Variants in PCM1 observed in about 807,000 individuals in gnomAD.
PCM1 encodes the protein pericentriolar material 1.
In PCM1, 157 loss-of-function variants were observed where a neutral mutation model predicts 241.9. The observed-to-expected ratio is 0.65, with a 90% CI of 0.57 to 0.74. The LOEUF (loss-of-function observed/expected upper bound fraction) is 0.74. Ranked by LOEUF, PCM1 falls within the 30% of genes least tolerant of loss-of-function variation. PCM1 has a pLI of 0.00. For synonymous variants in PCM1, 1,085 were observed against 784.9 expected, an observed-to-expected ratio of 1.38 and a Z score of -6.39; for missense variants, 3,478 against 2,360.1, an observed-to-expected ratio of 1.47 and a Z score of -9.81.
chr8:17,928,868 A>G (rs982277922), intron 2 of PCM1, among the ~76,000 whole-genome samples: 6 of 151,690 alleles, frequency 4.0e-5, no homozygotes, highest in African/African-American at 1.5e-4. Flanking sequence ...CTGACCTTAG[A>G]TGACTCACCC....
At chr8:18,012,415 T>C (rs1328889143) in intron 34 of PCM1, among the ~76,000 whole-genome samples, 1 of 152,206 alleles carries the variant, frequency 6.6e-6, no homozygotes, top group Non-Finnish European at 1.5e-5. Flanking sequence ...TTATTAGTTA[T>C]TGTTAATCTC....
intron 38 of PCM1, among the ~76,000 whole-genome samples, chr8:18,026,582 ATTTTTAGT>A (rs2094234900): frequency 6.6e-6 from 1 of 151,916 alleles, no homozygotes; most frequent in South Asian, 2.1e-4. Context: ...TTTATTATTG[ATTTTTAGT>A]TCTTTAGGAG....
chr8:17,974,036 G>C (rs912431613), intron 23 of PCM1, among the ~76,000 whole-genome samples: 32 of 152,322 alleles, frequency 2.1e-4, no homozygotes, highest in African/African-American at 7.5e-4. Context: ...TGAACCCCAT[G>C]TGAAGAATCT....
Position 17,937,346 on chromosome 8 carries a change from G to C in PCM1, c.309G>C (p.Leu103=). The change falls in exon 4 of 39, where the codon CTG becomes CTC. Residue 103 remains leucine, a synonymous_variant. Transcript: ENST00000325083. The part of the protein sequence containing the change: ...SVPEQAELEK[L]KQRINFSDLD... ...CAGAGCAGGCAGAATTAGAGAAACTGAAACAGCGGATAAACTTCAGTGATT... is the reference window on the plus strand; with the variant it reads ...CAGAGCAGGCAGAATTAGAGAAACTCAAACAGCGGATAAACTTCAGTGATT... The C allele has an allele frequency of 6.2e-7, 1 of 1,604,236 alleles. No homozygotes were observed. Among genetic ancestry groups the C allele is most frequent in the African/African-American group, 1.3e-5 (1 of 74,786 alleles).
At chr8:17,999,507 T>G (rs996501170) in intron 29 of PCM1, among the ~76,000 whole-genome samples, 2 of 152,032 alleles carry the variant, frequency 1.3e-5, no homozygotes, top group African/African-American at 2.4e-5. Context: ...GGTGCCCTGT[T>G]GTAGCTGTGG....
At chr8:18,018,867 T>TATATATATA (rs1564427344) in intron 36 of PCM1, among the ~76,000 whole-genome samples, 1 of 66,224 alleles carries the variant, frequency 1.5e-5, no homozygotes, top group Non-Finnish European at 3.4e-5. Flanking sequence ...TATATATATA[T>TATATATATA]ATATATATAT....
intron 28 of PCM1, 65 bp from the exon 29 acceptor site, chr8:17,993,418 A>T (rs1262948864): frequency 1.9e-6 from 2 of 1,067,166 alleles, no homozygotes; most frequent in Non-Finnish European, 2.6e-6. Flanking sequence ...AAATTTCAAC[A>T]TAAAGGCATA....
intron 36 of PCM1, among the ~76,000 whole-genome samples, chr8:18,019,082 T>G (rs2093551407): frequency 6.6e-6 from 1 of 152,066 alleles, no homozygotes; most frequent in African/African-American, 2.4e-5. Flanking sequence ...CTCTGCCTTT[T>G]TCAGTATTCC....
chr8:17,970,431 ATT>A (rs11399726), intron 22 of PCM1, among the ~76,000 whole-genome samples: 5 of 142,968 alleles, frequency 3.5e-5, no homozygotes, highest in Admixed American at 1.4e-4. Flanking sequence ...ATTAACTGGG[ATT>A]TTTTTTTTTT....
chr8:17,966,695 A>C (rs1374274773), intron 20 of PCM1, among the ~76,000 whole-genome samples: 1 of 152,212 alleles, frequency 6.6e-6, no homozygotes, highest in African/African-American at 2.4e-5. Flanking sequence ...ATATTTTGGC[A>C]GATTTTATGG....
intron 26 of PCM1, among the ~76,000 whole-genome samples, chr8:17,988,242 T>C (rs2083279391): frequency 6.6e-6 from 1 of 151,858 alleles, no homozygotes; most frequent in Non-Finnish European, 1.5e-5. Flanking sequence ...AATACGTTCC[T>C]TAATGTCTAA....
chr8:17,961,471 C>T (rs570589365), intron 15 of PCM1, among the ~76,000 whole-genome samples: 76 of 152,022 alleles, frequency 5.0e-4, no homozygotes, highest in African/African-American at 1.5e-3. Flanking sequence ...CCACCACGCC[C>T]GGCTAATTTT....
Position 17,960,417 on chromosome 8 carries a change from A to C in PCM1, c.2295A>C (p.Ala765=). The change falls in exon 15 of 39, where the codon GCA becomes GCC. Residue 765 remains alanine, a synonymous_variant. Transcript: ENST00000325083. The stretch of plus-strand genomic sequence containing the variant: ...TTGACATTCAGGAGAAAATTCAAGC[A>C]TTGCAAACGGCATGCCCTGACTTAC... The part of the protein sequence containing the change: ...KLIDIQEKIQ[A]LQTACPDLQL... 6.2e-7 allele frequency: 1 copy of C among 1,604,378 alleles called. No homozygotes were observed. The highest frequency in any genetic ancestry group is 1.7e-4 in the Middle Eastern group (1 of 6,046).
chr8:17,954,527 A>G (rs2067315157), intron 9 of PCM1, among the ~76,000 whole-genome samples: 1 of 152,150 alleles, frequency 6.6e-6, no homozygotes, highest in African/African-American at 2.4e-5. Flanking sequence ...CACTCCGTAT[A>G]CTGATGACTC....
chr8:17,994,147 A>G (rs548535827), intron 29 of PCM1, among the ~76,000 whole-genome samples: 7 of 152,126 alleles, frequency 4.6e-5, no homozygotes, highest in Non-Finnish European at 1.0e-4. Context: ...CATTCTGACT[A>G]CTTTTTGTAC....
At chr8:17,971,992 G>GCCT (rs1312989340) in intron 22 of PCM1, among the ~76,000 whole-genome samples, 3 of 152,074 alleles carry the variant, frequency 2.0e-5, no homozygotes, top group Admixed American at 6.6e-5. Context: ...CATTCCTCCT[G>GCCT]CCTCCGCCTT....
At chr8:17,929,027 A>G (rs1214594779) in intron 2 of PCM1, among the ~76,000 whole-genome samples, 1 of 152,106 alleles carries the variant, frequency 6.6e-6, no homozygotes, top group African/African-American at 2.4e-5. Flanking sequence ...GCTTCTCATC[A>G]TAGGCTGATT....
At chr8:18,011,471 A>T in intron 33 of PCM1, 105 bp downstream of exon 33, 1 of 1,159,336 alleles carries the variant, frequency 8.6e-7, no homozygotes, top group Non-Finnish European at 1.2e-6. Flanking sequence ...GTGTCAAAGA[A>T]CTCTGATTTT....
intron 38 of PCM1, among the ~76,000 whole-genome samples, chr8:18,027,424 C>T (rs893721221): frequency 2.0e-5 from 3 of 152,186 alleles, no homozygotes; most frequent in African/African-American, 4.8e-5. Context: ...TAGAGAGACA[C>T]GAAGTATCTG....
Sources: gnomAD v4.1 joint callset for allele counts (sites outside exome capture counted in the v4.1 genomes callset) on GRCh38, gnomAD v4.1.1 for gene constraint, MANE v1.5 for transcripts, NCBI Gene and HGNC (gene_info 2026-07-23, HGNC 2026-07-21) for gene names.